The following NDNF variants were observed in gnomAD, a reference collection of about 807,000 sequenced individuals.
NDNF encodes neuron derived neurotrophic factor.
NDNF carries 16 observed loss-of-function variants against 42.0 expected under a neutral mutation model. That is an observed-to-expected ratio of 0.38 (90% CI 0.26 to 0.58). NDNF has a LOEUF of 0.58. Among genes scored for constraint, NDNF ranks in the 20% least tolerant of loss-of-function variants. The pLI is 0.67. For missense variants in NDNF, 616 were observed against 666.2 expected, an observed-to-expected ratio of 0.92 and a Z score of 0.83; for synonymous variants, 248 against 251.7, an observed-to-expected ratio of 0.99 and a Z score of 0.14.
intron 3 of NDNF, chr4:121,038,134 G>C (rs936266299): frequency 6.5e-6 from 1 of 152,940 alleles, no homozygotes; most frequent in Non-Finnish European, 1.5e-5. Context: ...TGCTGAGGCT[G>C]TAAGATTACT....
chr4:121,062,463 A>C (rs1215085864), intron 1 of NDNF, among the ~76,000 whole-genome samples: 1 of 152,232 alleles, frequency 6.6e-6, no homozygotes, highest in Non-Finnish European at 1.5e-5. Flanking sequence ...TTTCTGGATT[A>C]AGAGATGATT....
At chr4:121,043,245 A>G (rs1361126976) in intron 2 of NDNF, among the ~76,000 whole-genome samples, 1 of 152,208 alleles carries the variant, frequency 6.6e-6, no homozygotes, top group Non-Finnish European at 1.5e-5. Flanking sequence ...TGAGCCATTT[A>G]GCCTTTGGAA....
At chr4:121,066,900 A>C (rs1329083538) in intron 1 of NDNF, among the ~76,000 whole-genome samples, 2 of 152,228 alleles carry the variant, frequency 1.3e-5, no homozygotes, top group African/African-American at 4.8e-5. Flanking sequence ...GAGGGTGTTT[A>C]CCTTGATTTC....
At chr4:121,053,953 C>A (rs112047114) in intron 1 of NDNF, among the ~76,000 whole-genome samples, 1 of 152,140 alleles carries the variant, frequency 6.6e-6, no homozygotes, top group Non-Finnish European at 1.5e-5. Context: ...AGCATGGCAG[C>A]GCGCCAGTAG....
chr4:121,050,499 A>C (rs1727175368), intron 1 of NDNF, among the ~76,000 whole-genome samples: 1 of 152,182 alleles, frequency 6.6e-6, no homozygotes, highest in Non-Finnish European at 1.5e-5. Context: ...GTGTTTGCAC[A>C]GCAACAAATC....
At chr4:121,040,523 A>G (rs1726979365) in intron 2 of NDNF, among the ~76,000 whole-genome samples, 1 of 152,220 alleles carries the variant, frequency 6.6e-6, no homozygotes, top group Non-Finnish European at 1.5e-5. Flanking sequence ...AGTTGCAACT[A>G]TTTCAAAAGA....
chr4:121,036,892 G>T lies in NDNF; in HGVS notation c.1079C>A (p.Ala360Glu). The change falls in exon 4 of 4, where the codon GCA becomes GAA. Residue 360 changes from alanine to glutamate, a missense_variant. Transcript: ENST00000379692. ...GACTGGAGCAAACCGTAGAAACTTT[G>T]CTCCCTTCCTTTTAACAAATACATC... ...ITDVFVKRKG[A>E]KFLRFAPVSS... The T allele has an allele frequency of 1.2e-6, 2 of 1,613,970 alleles. No individual in the cohort carries two copies. Among genetic ancestry groups the T allele is most frequent in the Non-Finnish European group, 8.5e-7 (1 of 1,180,010 alleles).
chr4:121,045,928 C>T lies in NDNF; in HGVS notation c.-1-90G>A, dbSNP rs529145123. 2.5e-4 allele frequency: 304 copies of T among 1,238,412 alleles called. No individual in the cohort carries two copies. The Middle Eastern group carries it at 4.2e-3, about 17-fold the overall frequency. 76.7% of individuals were successfully genotyped at this position (1,238,412 alleles called of 1,614,324 possible). A position where few individuals can be genotyped will look rare whatever the true frequency, so the allele number is the denominator to read the frequency against. ...TTCTAAAGGGTTAACACTATTTTAG[C>T]TTTGATGGAAATTTAGGGACGCATC... On this transcript the variant is annotated intron_variant, in intron 1 of 3. Transcript: ENST00000379692.
At chr4:121,056,404 A>G (rs918091644) in intron 1 of NDNF, among the ~76,000 whole-genome samples, 1 of 152,224 alleles carries the variant, frequency 6.6e-6, no homozygotes. Context: ...TCTACAGGGC[A>G]GGTCAGCAAT....
chr4:121,068,815 G>C (rs867624362), intron 1 of NDNF, among the ~76,000 whole-genome samples: 1 of 152,224 alleles, frequency 6.6e-6, no homozygotes, highest in Middle Eastern at 3.4e-3. Flanking sequence ...TAGCACATAT[G>C]ATGTGTAATT....
At position 121,037,003 on chromosome 4, in the gene NDNF, A is replaced by G. The variant is rs774655851; in HGVS notation, c.968T>C (p.Met323Thr). 2 of 1,613,976 alleles carry G rather than the reference A, an allele frequency of 1.2e-6. No individual in the cohort carries two copies. Among genetic ancestry groups the G allele is most frequent in the East Asian group, 4.5e-5 (2 of 44,862 alleles). Residue 323 changes from methionine to threonine, a missense_variant, in exon 4 of 4, where the codon ATG becomes ACG. Coordinates refer to ENST00000379692, the MANE Select transcript of NDNF (RefSeq NM_024574.4). ...DVFVVNINSNMSTAYVGTFAR... is the reference protein window; with the variant it reads ...DVFVVNINSNTSTAYVGTFAR... Reference sequence around the variant, plus strand: ...AAAGGTACCTACATAAGCGGTGCTCATGTTGCTGTTGATGTTGACCACAAA... The same window carrying G: ...AAAGGTACCTACATAAGCGGTGCTCGTGTTGCTGTTGATGTTGACCACAAA...
intron 1 of NDNF, among the ~76,000 whole-genome samples, chr4:121,062,850 G>T (rs1310763176): frequency 6.6e-6 from 1 of 152,094 alleles, no homozygotes; most frequent in African/African-American, 2.4e-5. Flanking sequence ...AATGCCTGGT[G>T]GTTGTCATTG....
intron 1 of NDNF, among the ~76,000 whole-genome samples, chr4:121,067,594 A>G (rs1727521875): frequency 6.6e-6 from 1 of 152,178 alleles, no homozygotes; most frequent in Non-Finnish European, 1.5e-5. Flanking sequence ...GAGTTCCTTG[A>G]AAAAAATTGG....
intron 1 of NDNF, among the ~76,000 whole-genome samples, chr4:121,064,977 C>T (rs969155445): frequency 2.0e-5 from 3 of 151,918 alleles, no homozygotes; most frequent in Admixed American, 6.6e-5. Context: ...CAGGCTGGAC[C>T]GCAGGGGCTA....
intron 1 of NDNF, among the ~76,000 whole-genome samples, chr4:121,058,349 C>A (rs1418042766): frequency 6.6e-6 from 1 of 152,116 alleles, no homozygotes; most frequent in Non-Finnish European, 1.5e-5. Context: ...GAAGCCCAGG[C>A]ACCTAACCCT....
In NDNF at chr4:121,037,449, A is replaced by G; in HGVS notation, c.522T>C (p.Pro174=). The change falls in exon 4 of 4, where the codon CCT becomes CCC. Residue 174 remains proline (P), a synonymous_variant. Transcript: ENST00000379692. ...CTACTCTTGGGTCATAGGGTAACTCAGGGTATGGCTGATCAGATTCTGGAG... is the reference window on the plus strand; with the variant it reads ...CTACTCTTGGGTCATAGGGTAACTCGGGGTATGGCTGATCAGATTCTGGAG... ...TTTPESDQPY[P]ELPYDPRVDV... 1.2e-6 allele frequency: 2 copies of G among 1,614,106 alleles called. No individual in the cohort carries two copies. The highest frequency in any genetic ancestry group is 1.7e-6 in the Non-Finnish European group (2 of 1,179,956).
At chr4:121,049,523 T>C (rs1213558463) in intron 1 of NDNF, among the ~76,000 whole-genome samples, 36 of 152,130 alleles carry the variant, frequency 2.4e-4, no homozygotes, top group Non-Finnish European at 1.0e-4. Flanking sequence ...AGTAATAAAG[T>C]CCTTTGTCTC....
At chr4:121,043,925 C>A (rs1727047144) in intron 2 of NDNF, among the ~76,000 whole-genome samples, 1 of 152,166 alleles carries the variant, frequency 6.6e-6, no homozygotes, top group Non-Finnish European at 1.5e-5. Flanking sequence ...GCTTTGTATG[C>A]CTTTTACTGT....
intron 1 of NDNF, among the ~76,000 whole-genome samples, chr4:121,054,516 A>G (rs979387018): frequency 1.3e-5 from 2 of 152,230 alleles, no homozygotes; most frequent in African/African-American, 4.8e-5. Context: ...TGTGAAAGAC[A>G]GTGTGGTGAT....
Sources: gnomAD v4.1 joint callset for allele counts (sites outside exome capture counted in the v4.1 genomes callset) on GRCh38, gnomAD v4.1.1 for gene constraint, MANE v1.5 for transcripts, NCBI Gene and HGNC (gene_info 2026-07-23, HGNC 2026-07-21) for gene names.